Variants in DNMT1 observed in about 807,000 individuals in gnomAD.
DNMT1 encodes DNA methyltransferase 1.
A neutral mutation model predicts 205.3 loss-of-function variants in DNMT1; 24 were observed. That is an observed-to-expected ratio of 0.12 (90% CI 0.08 to 0.16). The LOEUF (loss-of-function observed/expected upper bound fraction) is 0.16. Among genes scored for constraint, DNMT1 ranks in the 10% least tolerant of loss-of-function variants. The probability of loss-of-function intolerance (pLI) is 1.00; values close to 1 mark genes in which losing one functional copy is unlikely to be tolerated. For missense variants in DNMT1, 1,293 were observed against 2,177.7 expected, an observed-to-expected ratio of 0.59 and a Z score of 8.09; for synonymous variants, 817 against 839.8, an observed-to-expected ratio of 0.97 and a Z score of 0.47.
intron 22 of DNMT1, among the ~76,000 whole-genome samples, chr19:10,152,146 G>A (rs2038356345): frequency 3.4e-5 from 1 of 29,198 alleles, no homozygotes; most frequent in South Asian, 1.2e-3. Flanking sequence ...GACGACAAGA[G>A]TAAAACTCCA....
intron 19 of DNMT1, among the ~76,000 whole-genome samples, chr19:10,155,351 A>G (rs2145309893): frequency 6.7e-6 from 1 of 148,186 alleles, no homozygotes; most frequent in Admixed American, 6.7e-5. Flanking sequence ...TTTTTTTTTC[A>G]GGGGAGGACA....
intron 9 of DNMT1, among the ~76,000 whole-genome samples, chr19:10,169,386 C>CAAAAAAAAA (rs61170762): frequency 1.1e-3 from 85 of 80,164 alleles, no homozygotes; most frequent in African/African-American, 1.3e-3. Flanking sequence ...ACTAAAAATA[C>CAAAAAAAAA]AAAAAAAAAA....
chr19:10,135,228 AAAG>A (rs1418209322), intron 39 of DNMT1, among the ~76,000 whole-genome samples: 1 of 150,672 alleles, frequency 6.6e-6, no homozygotes, highest in Non-Finnish European at 1.5e-5. Flanking sequence ...AAAAAAAAAA[AAAG>A]AGAGAGTGGC....
chr19:10,144,783 A>T (rs1389230029), intron 28 of DNMT1: 1 of 152,246 alleles, frequency 6.6e-6, no homozygotes, highest in African/African-American at 2.4e-5. Context: ...TCTGTCACCC[A>T]GGTTAGAGTG....
Position 10,136,251 on chromosome 19 carries a change from T to C in DNMT1, c.4526A>G (p.Asn1509Ser). ...GGGCAGGCACCAGGGGATGAGGGTG[T>C]TGAACTGCCTGGCTGCGGGGTCGCA... ...KACDPAARQF[N>S]TLIPWCLPHT... Residue 1509 changes from asparagine (N) to serine (S), a missense_variant, in exon 38 of 41, where the codon AAC becomes AGC. Coordinates refer to ENST00000359526, the MANE Select transcript of DNMT1 (RefSeq NM_001130823.3). 6.2e-7 allele frequency: 1 copy of C among 1,614,120 alleles called. No individual in the cohort carries two copies. The highest frequency in any genetic ancestry group is 8.5e-7 in the Non-Finnish European group (1 of 1,180,026).
At chr19:10,172,347 G>A (rs891591722) in intron 9 of DNMT1, among the ~76,000 whole-genome samples, 35 of 149,450 alleles carry the variant, frequency 2.3e-4, no homozygotes, top group African/African-American at 6.7e-4. Flanking sequence ...CAGAGGTTGC[G>A]GTGAGACAAG....
chr19:10,173,054 G>A, intron 9 of DNMT1, 36 bp downstream of exon 9: 5 of 1,612,116 alleles, frequency 3.1e-6, no homozygotes, highest in Non-Finnish European at 4.2e-6. Context: ...TAGGATTAAG[G>A]GAGAATTAAC....
rs76503110 is a variant in DNMT1 at position 10,182,080 on chromosome 19, G to T, written c.81-3C>A. 1 of 1,613,172 alleles carries T rather than the reference G, an allele frequency of 6.2e-7. No homozygotes were observed. The highest frequency in any genetic ancestry group is 8.5e-7 in the Non-Finnish European group (1 of 1,179,424). ...TGTCTCTTTCCAAATCTTTGAGCCT[G>T]GGAGGAAGAAATAGGGGAGAAAATA... On this transcript the variant is annotated splice_polypyrimidine_tract_variant and splice_region_variant and intron_variant, in intron 1 of 40. Transcript: ENST00000359526.
At position 10,140,973 on chromosome 19, in the gene DNMT1, C is replaced by A; in HGVS notation, c.3395-64G>T. The A allele has an allele frequency of 1.2e-6, 2 of 1,613,648 alleles. No individual in the cohort carries two copies. Among genetic ancestry groups the A allele is most frequent in the East Asian group, 2.2e-5 (1 of 44,880 alleles). ...AGTCCAAGTCCACCTTGCTCTCAAG[C>A]GCCTTGTTAACTCAGGCGGCCTCGC... On this transcript the variant is annotated intron_variant, in intron 31 of 40. Transcript: ENST00000359526. The surrounding 1 kb of genome is among the most constrained non-coding windows in gnomAD (Gnocchi z 8.4).
chr19:10,139,577 C>T (rs2089560852), intron 34 of DNMT1, 99 bp downstream of exon 34: 4 of 1,528,200 alleles, frequency 2.6e-6, no homozygotes, highest in Non-Finnish European at 8.8e-7. Context: ...GGATGGCAGG[C>T]CTATGCCATT....
chr19:10,176,117 G>A (rs771933437), intron 6 of DNMT1, among the ~76,000 whole-genome samples: 24 of 150,220 alleles, frequency 1.6e-4, no homozygotes, highest in African/African-American at 5.6e-4. Context: ...GCAGTGAGCC[G>A]AAATCATGCC....
chr19:10,149,915 C>G lies in DNMT1; in HGVS notation c.2319G>C (p.Leu773=), dbSNP rs1281929110. 2 of 1,614,194 alleles carry G rather than the reference C, an allele frequency of 1.2e-6. No homozygotes were observed. Among genetic ancestry groups the G allele is most frequent in the South Asian group, 1.1e-5 (1 of 91,084 alleles). ...TAACAGAGACACAGTCCCCCACTTCCAGGGTTTCCGCATCAATGCACACCT... is the reference window on the plus strand; with the variant it reads ...TAACAGAGACACAGTCCCCCACTTCGAGGGTTTCCGCATCAATGCACACCT... ...YKKVCIDAET[L]EVGDCVSVIP... The change falls in exon 25 of 41, where the codon CTG becomes CTC. Residue 773 remains leucine (L), a synonymous_variant. Transcript: ENST00000359526.
intron 1 of DNMT1, among the ~76,000 whole-genome samples, chr19:10,183,063 A>ATG (rs904599403): frequency 6.0e-5 from 9 of 149,460 alleles, no homozygotes; most frequent in East Asian, 2.0e-4. Flanking sequence ...ATACGTATAT[A>ATG]TGTATACATA....
rs35310173 is a variant in DNMT1, at chr19:10,148,116, CAAAAAAAAA to C, written c.2720+759_2720+767del. On this transcript the variant is annotated intron_variant, in intron 27 of 40. Transcript: ENST00000359526. ...GGGCAACAAAAGCGAAACTCTGTCTCAAAAAAAAAAAAAAAAAAAAAATTAAAAAAATAA... is the reference window on the plus strand; with the variant it reads ...GGGCAACAAAAGCGAAACTCTGTCTCAAAAAAAAAAAAATTAAAAAAATAA... 4.7e-3 allele frequency among the ~76,000 whole-genome samples: 281 copies of C among 59,294 alleles called. 2 individuals carry two copies. Among genetic ancestry groups the C allele is most frequent in the African/African-American group, 0.02 (272 of 13,748 alleles). The allele number at this position is 59,294 out of a possible 152,430, so 38.9% of individuals were successfully genotyped here. A position where few individuals can be genotyped will look rare whatever the true frequency, so the allele number is the denominator to read the frequency against.
rs906790753 is a variant in DNMT1 at position 10,180,463 on chromosome 19, T to C, written c.332A>G (p.Asn111Ser). 1.7e-5 allele frequency: 27 copies of C among 1,614,048 alleles called. No individual in the cohort carries two copies. Among genetic ancestry groups the C allele is most frequent in the African/African-American group, 1.6e-4 (12 of 74,916 alleles). Residue 111 changes from asparagine to serine, a missense_variant, in exon 4 of 41, where the codon AAC (asparagine) becomes AGC (serine). By Grantham distance (46) the Asn-to-Ser change is conservative (BLOSUM62 1). This residue lies in a region of DNMT1 where 394 missense variants were observed against 451.6 expected (regional missense o/e 0.87). Transcript: ENST00000359526. ...TCTACGGGCTTCACTTCTTGCTTGG[T>C]TCCCGTTTTCTAGACGTCCATTCAC... Reference protein sequence around the residue: ...REVNGRLENGNQARSEARRVG... With the variant: ...REVNGRLENGSQARSEARRVG...
At chr19:10,160,142 G>T in intron 14 of DNMT1, 79 bp from the exon 15 acceptor site, 1 of 1,600,222 alleles carries the variant, frequency 6.2e-7, no homozygotes, top group Non-Finnish European at 8.5e-7. Context: ...TGAGGTTTCT[G>T]CCTGAGGTGC....
Position 10,154,829 on chromosome 19 carries a change from G to A in DNMT1, c.1645-56C>T. The A allele has an allele frequency of 6.2e-7, 1 of 1,614,216 alleles. No individual in the cohort carries two copies. Among genetic ancestry groups the A allele is most frequent in the Non-Finnish European group, 8.5e-7 (1 of 1,180,042 alleles). ...AAGCCAAACTGGCCTAAATCCAACTGAAGAACAGTGTCTGCTGGTTCTGAA... is the reference window on the plus strand; with the variant it reads ...AAGCCAAACTGGCCTAAATCCAACTAAAGAACAGTGTCTGCTGGTTCTGAA... On this transcript the variant is annotated intron_variant, in intron 20 of 40. Transcript: ENST00000359526. The surrounding 1 kb of genome is among the most constrained non-coding windows in gnomAD (Gnocchi z 6.3).
rs1273538940 is a variant in DNMT1 at position 10,151,957 on chromosome 19, G to A, written c.2020-110C>T. The stretch of plus-strand genomic sequence containing the variant: ...GGCAGATCACTTAAGGTCAGGAATT[G>A]CAGACCAGCCTGGCCAACGTGGTGA... On this transcript the variant is annotated intron_variant, in intron 22 of 40. Coordinates refer to ENST00000359526, the MANE Select transcript of DNMT1 (RefSeq NM_001130823.3). The surrounding 1 kb of genome is among the most constrained non-coding windows in gnomAD (Gnocchi z 5.0). 2.9e-6 allele frequency: 3 copies of A among 1,043,544 alleles called. No homozygotes were observed. Among genetic ancestry groups the A allele is most frequent in the East Asian group, 2.4e-5 (1 of 41,748 alleles). 64.6% of individuals were successfully genotyped at this position (1,043,544 alleles called of 1,614,324 possible).
chr19:10,141,647 G>A (rs549497231), intron 30 of DNMT1: 15 of 328,928 alleles, frequency 4.6e-5, no homozygotes, highest in South Asian at 3.8e-4. Context: ...GGACGTAGGC[G>A]CCTGGCCCAA....
Sources: gnomAD v4.1 joint callset for allele counts (sites outside exome capture counted in the v4.1 genomes callset) on GRCh38, gnomAD v4.1.1 for gene constraint, gnomAD v4.1.1 regional missense constraint, Gnocchi (gnomAD v3.1) non-coding constraint, MANE v1.5 for transcripts, NCBI Gene and HGNC (gene_info 2026-07-23, HGNC 2026-07-21) for gene names.